The following INTS2 variants were observed in gnomAD, a reference collection of about 807,000 sequenced individuals.
INTS2 encodes integrator complex subunit 2.
A neutral mutation model predicts 139.6 loss-of-function variants in INTS2; 57 were observed. The observed-to-expected ratio is 0.41, with a 90% CI of 0.33 to 0.51. The LOEUF is 0.51. INTS2 is among the 20% of genes least tolerant of loss of function. The probability of loss-of-function intolerance (pLI) is 0.28; values close to 1 mark genes in which losing one functional copy is unlikely to be tolerated. For synonymous variants in INTS2, 473 were observed against 493.4 expected, an observed-to-expected ratio of 0.96 and a Z score of 0.55; for missense variants, 1,196 against 1,436.7, an observed-to-expected ratio of 0.83 and a Z score of 2.71.
rs1383479286 is a variant in INTS2, at chr17:61,876,286, T to A, written c.2457-1248A>T. The stretch of plus-strand genomic sequence containing the variant: ...CTCAAAAAAGTTAAGTTTACCACAC[T>A]CTCTTTCTCAGGAAGCGAGATGAGT... On this transcript the variant is annotated intron_variant, in intron 18 of 24. Coordinates refer to ENST00000251334, the MANE Select transcript of INTS2 (RefSeq NM_001351695.2). The surrounding 1 kb of genome is among the most constrained non-coding windows in gnomAD (Gnocchi z 4.1). Among the ~76,000 whole-genome samples, 6 of 152,104 alleles carry A rather than the reference T, an allele frequency of 3.9e-5. No homozygotes were observed. The highest frequency in any genetic ancestry group is 5.9e-5 in the Non-Finnish European group (4 of 68,018).
Position 61,870,310 on chromosome 17 carries a change from C to T in INTS2, c.2779-322G>A, listed in dbSNP as rs1277843638. On this transcript the variant is annotated intron_variant, in intron 20 of 24. Transcript: ENST00000251334. This position sits in a 1 kb window ranked among gnomAD's most constrained non-coding sequence, Gnocchi z 4.4. ...ATGGACTCCAGTTTAAGAATATCTA[C>T]TAGAAGAGTATCATGAATTCAGTTA... Among the ~76,000 whole-genome samples, 1 of 152,186 alleles carries T rather than the reference C, an allele frequency of 6.6e-6. No homozygotes were observed. Among genetic ancestry groups the T allele is most frequent in the Non-Finnish European group, 1.5e-5 (1 of 68,024 alleles).
intron 5 of INTS2, among the ~76,000 whole-genome samples, chr17:61,913,857 T>C (rs908078636): frequency 2.0e-5 from 3 of 152,120 alleles, no homozygotes; most frequent in African/African-American, 7.2e-5. Context: ...TTCCTCTATA[T>C]TTTTAGTCTT....
rs1023809194 is a variant in INTS2, at chr17:61,927,680, G to T, written c.-45C>A. 40 of 1,428,812 alleles carry T rather than the reference G, an allele frequency of 2.8e-5. No homozygotes were observed. Among genetic ancestry groups the T allele is most frequent in the Non-Finnish European group, 3.7e-5 (40 of 1,095,194 alleles). 88.5% of individuals were successfully genotyped at this position (1,428,812 alleles called of 1,614,324 possible). On this transcript the variant is annotated 5_prime_UTR_variant, in exon 1 of 25. Transcript: ENST00000251334. The stretch of plus-strand genomic sequence containing the variant: ...TTAAGATCTACCCTCCAGCCTCACG[G>T]AACCGCACACGGACTCCGCGTCCTA...
intron 6 of INTS2, 80 bp from the exon 7 acceptor site, chr17:61,911,773 A>C: frequency 1.4e-6 from 2 of 1,463,262 alleles, no homozygotes; most frequent in South Asian, 1.3e-5. Context: ...AAAGTATCTA[A>C]AGTTTAGAGG....
In INTS2 at chr17:61,889,880, G is replaced by A; in HGVS notation, c.1890C>T (p.Arg630=). The change falls in exon 15 of 25, where the codon CGC becomes CGT. Residue 630 remains arginine (R), a synonymous_variant. Coordinates refer to ENST00000251334, the MANE Select transcript of INTS2 (RefSeq NM_001351695.2). ...CTGTGATACTGAAACGCTGATTAAGGCGGATGTTGTCACCCTGGAGGTAAT... is the reference window on the plus strand; with the variant it reads ...CTGTGATACTGAAACGCTGATTAAGACGGATGTTGTCACCCTGGAGGTAAT... The part of the protein sequence containing the change: ...FQGVIGGDNI[R]LNQRFSITAQ... 1 of 1,607,790 alleles carries A rather than the reference G, an allele frequency of 6.2e-7. No homozygotes were observed. Among genetic ancestry groups the A allele is most frequent in the South Asian group, 1.1e-5 (1 of 90,624 alleles).
chr17:61,901,121 T>C (rs949261185), intron 9 of INTS2, among the ~76,000 whole-genome samples: 10 of 151,730 alleles, frequency 6.6e-5, no homozygotes, highest in African/African-American at 2.4e-4. Flanking sequence ...ACAAAAAACT[T>C]TTAAAAATAA....
intron 13 of INTS2, 50 bp from the exon 14 acceptor site, chr17:61,891,739 C>T (rs1242754503): frequency 1.5e-6 from 2 of 1,353,254 alleles, no homozygotes; most frequent in Non-Finnish European, 2.0e-6. Context: ...AAAAGAAAAA[C>T]CAAGCAAAAT....
chr17:61,926,249 G>A, intron 2 of INTS2, 103 bp downstream of exon 2: 3 of 961,540 alleles, frequency 3.1e-6, no homozygotes, highest in South Asian at 1.7e-5. Flanking sequence ...ATGCTCTCCA[G>A]AATTTAGATT....
intron 1 of INTS2, 49 bp from the exon 2 acceptor site, chr17:61,926,711 T>G: frequency 6.9e-7 from 1 of 1,439,108 alleles, no homozygotes; most frequent in Non-Finnish European, 9.6e-7. Context: ...TTCACATGTA[T>G]GAACACCCAA....
chr17:61,872,141 T>C lies in INTS2; in HGVS notation c.2778+124A>G. The C allele has an allele frequency of 1.9e-6, 1 of 520,762 alleles. No homozygotes were observed. The highest frequency in any genetic ancestry group is 3.4e-6 in the Non-Finnish European group (1 of 293,436). 32.3% of individuals were successfully genotyped at this position (520,762 alleles called of 1,614,324 possible). ...AACATCATTGTAATAGATTCTATAA[T>C]AAAAGAAATGCACAATATGTCACCA... On this transcript the variant is annotated intron_variant, in intron 20 of 24. Transcript: ENST00000251334. The surrounding 1 kb of genome is among the most constrained non-coding windows in gnomAD (Gnocchi z 4.8).
Position 61,873,057 on chromosome 17 carries a change from G to A in INTS2, c.2583-597C>T, listed in dbSNP as rs536072497. Among the ~76,000 whole-genome samples, 6 of 152,098 alleles carry A rather than the reference G, an allele frequency of 3.9e-5. No homozygotes were observed. The highest frequency in any genetic ancestry group is 8.8e-5 in the Non-Finnish European group (6 of 68,014). On this transcript the variant is annotated intron_variant, in intron 19 of 24. Coordinates refer to ENST00000251334, the MANE Select transcript of INTS2 (RefSeq NM_001351695.2). The surrounding 1 kb of genome is among the most constrained non-coding windows in gnomAD (Gnocchi z 4.0). ...AATTAAAAGTCTTGAAAATGAGCAC[G>A]ACACTTTTGCCCCAATAATTCCATT...
At chr17:61,886,043 T>C (rs527552907) in intron 15 of INTS2, among the ~76,000 whole-genome samples, 5 of 151,900 alleles carry the variant, frequency 3.3e-5, no homozygotes, top group African/African-American at 9.7e-5. Flanking sequence ...TTATATACAA[T>C]AGTGGTGACT....
In INTS2 at chr17:61,869,438, TA is replaced by T. The variant is rs1203633327; in HGVS notation, c.3031-59del. On this transcript the variant is annotated intron_variant, in intron 21 of 24. Coordinates refer to ENST00000251334, the MANE Select transcript of INTS2 (RefSeq NM_001351695.2). This position sits in a 1 kb window ranked among gnomAD's most constrained non-coding sequence, Gnocchi z 5.4. The stretch of plus-strand genomic sequence containing the variant: ...AATAAAATAACTATAAAAGTACAGA[TA>T]AAAATACAAATGAAAGATTTCATTT... 5 of 1,196,524 alleles carry T rather than the reference TA, an allele frequency of 4.2e-6. No homozygotes were observed. The East Asian group carries it at 7.7e-5, about 18-fold the overall frequency. 74.1% of individuals were successfully genotyped at this position (1,196,524 alleles called of 1,614,324 possible).
intron 12 of INTS2, among the ~76,000 whole-genome samples, 176 bp downstream of exon 12, chr17:61,895,139 T>C (rs1409461204): frequency 6.6e-6 from 1 of 152,178 alleles, no homozygotes; most frequent in East Asian, 1.9e-4. Context: ...TGACTAGTTT[T>C]AAAAGTGTAT....
At chr17:61,924,925 C>A in intron 3 of INTS2, 36 bp downstream of exon 3, 1 of 1,595,120 alleles carries the variant, frequency 6.3e-7, no homozygotes, top group South Asian at 1.1e-5. Flanking sequence ...GACATCAAAT[C>A]ATGCATACTT....
chr17:61,926,314 T>TCAAATC, intron 2 of INTS2, 38 bp downstream of exon 2: 2 of 1,480,920 alleles, frequency 1.4e-6, no homozygotes, highest in Middle Eastern at 3.6e-4. Flanking sequence ...CTGTTCTTTG[T>TCAAATC]CAAATCCAAA....
In INTS2 at chr17:61,881,039, G is replaced by A. The variant is rs2079173402; in HGVS notation, c.2222C>T (p.Ala741Val). 1 of 1,613,570 alleles carries A rather than the reference G, an allele frequency of 6.2e-7. No homozygotes were observed. Among genetic ancestry groups the A allele is most frequent in the African/African-American group, 1.3e-5 (1 of 74,882 alleles). Residue 741 changes from alanine to valine, a missense_variant, in exon 17 of 25, where the codon GCT becomes GTT. By Grantham distance (64) the Ala-to-Val change is moderately conservative. Around this residue, in one of 3 missense-constraint regions of INTS2, gnomAD observed 1,129 missense variants for 1,341.9 expected, o/e 0.84. Coordinates refer to ENST00000251334, the MANE Select transcript of INTS2 (RefSeq NM_001351695.2). ...GAGTTGTTTGGGAGAATGATTTTTA[G>A]CATTATTAGTCAGGAGCATTCGCCG... ...LLRRMLLTNN[A>V]KNHSPKQLQE...
rs1050907880 is a variant in INTS2 at position 61,875,599 on chromosome 17, G to C, written c.2457-561C>G. Among the ~76,000 whole-genome samples the C allele has an allele frequency of 6.6e-6, 1 of 152,096 alleles. No individual in the cohort carries two copies. On this transcript the variant is annotated intron_variant, in intron 18 of 24. Coordinates refer to ENST00000251334, the MANE Select transcript of INTS2 (RefSeq NM_001351695.2). The surrounding 1 kb of genome is among the most constrained non-coding windows in gnomAD (Gnocchi z 4.6). ...GGTTATGCAAATACAGAAGGTACTTGATCTTACAGTGAAGCCCAGGAATCC... is the reference window on the plus strand; with the variant it reads ...GGTTATGCAAATACAGAAGGTACTTCATCTTACAGTGAAGCCCAGGAATCC...
chr17:61,907,568 C>T lies in INTS2; in HGVS notation c.1021G>A (p.Gly341Ser), dbSNP rs1380481291. 2 of 1,593,114 alleles carry T rather than the reference C, an allele frequency of 1.3e-6. No individual in the cohort carries two copies. Among genetic ancestry groups the T allele is most frequent in the Admixed American group, 3.5e-5 (2 of 56,612 alleles). The change falls in exon 8 of 25, where the codon GGC becomes AGC. Residue 341 changes from glycine to serine, a missense_variant. By Grantham distance (56) the Gly-to-Ser change is moderately conservative. This residue lies in a region of INTS2 where 1,129 missense variants were observed against 1,341.9 expected (regional missense o/e 0.84). Transcript: ENST00000251334. Reference protein sequence around the residue: ...MRRQLLLELMGILPTVRSTRI... With the variant: ...MRRQLLLELMSILPTVRSTRI... ...GTGCTTCTTACTGTGGGAAGAATGCCCATCAACTCCAGAAGAAGCTGCCTT... is the reference window on the plus strand; with the variant it reads ...GTGCTTCTTACTGTGGGAAGAATGCTCATCAACTCCAGAAGAAGCTGCCTT...
Sources: allele counts gnomAD v4.1 joint callset (sites outside exome capture counted in the v4.1 genomes callset), GRCh38; gene constraint gnomAD v4.1.1; regional missense constraint gnomAD v4.1.1; non-coding constraint Gnocchi (gnomAD v3.1); transcripts MANE v1.5; gene names NCBI Gene and HGNC (gene_info 2026-07-23, HGNC 2026-07-21).